ANK3: variants seen among roughly 807,000 people sequenced by gnomAD.
ANK3 encodes ankyrin-3.
In ANK3, 57 loss-of-function variants were observed where a neutral mutation model predicts 370.9. The observed-to-expected ratio is 0.15, with a 90% CI of 0.12 to 0.19. The LOEUF (loss-of-function observed/expected upper bound fraction) is 0.19. Among genes scored for constraint, ANK3 ranks in the 10% least tolerant of loss-of-function variants. The pLI, the probability that ANK3 is intolerant of heterozygous loss-of-function variation, is 1.00. For synonymous variants in ANK3, 1,929 were observed against 1,946.3 expected, an observed-to-expected ratio of 0.99 and a Z score of 0.23; for missense variants, 4,439 against 5,302.1, an observed-to-expected ratio of 0.84 and a Z score of 5.06.
At chr10:60,152,998 T>A (rs1290302680) in intron 23 of ANK3, among the ~76,000 whole-genome samples, 1 of 152,208 alleles carries the variant, frequency 6.6e-6, no homozygotes, top group Admixed American at 6.5e-5. Flanking sequence ...TACAGAAATG[T>A]ATGCATATGT....
At chr10:60,570,480 C>A (rs1428816630) in intron 2 of ANK3, among the ~76,000 whole-genome samples, 1 of 151,980 alleles carries the variant, frequency 6.6e-6, no homozygotes, top group Non-Finnish European at 1.5e-5. Context: ...TCTCAATGGA[C>A]AAAGAACAAG....
At chr10:60,411,783 G>A in intron 2 of ANK3, among the ~76,000 whole-genome samples, 1 of 152,124 alleles carries the variant, frequency 6.6e-6, no homozygotes, top group South Asian at 2.1e-4. Context: ...TTTCTAAAGT[G>A]TAGAAATGAG....
At chr10:60,604,805 G>A (rs975316603) in intron 2 of ANK3, among the ~76,000 whole-genome samples, 2 of 152,056 alleles carry the variant, frequency 1.3e-5, no homozygotes, top group African/African-American at 4.8e-5. Context: ...TCCCATATAG[G>A]AAAGAAAGGC....
chr10:60,721,822 A>T (rs964197025), intron 1 of ANK3, among the ~76,000 whole-genome samples: 9 of 152,240 alleles, frequency 5.9e-5, no homozygotes, highest in African/African-American at 1.4e-4. Context: ...GAGGTTCTGC[A>T]AAATAGCATG....
chr10:60,599,542 T>C (rs1184056219), intron 2 of ANK3, among the ~76,000 whole-genome samples: 2 of 152,204 alleles, frequency 1.3e-5, no homozygotes, highest in East Asian at 3.9e-4. Context: ...TTCCATTTCA[T>C]CTACTAATTC....
intron 1 of ANK3, among the ~76,000 whole-genome samples, chr10:60,339,272 A>C (rs1426577773): frequency 6.6e-6 from 1 of 152,186 alleles, no homozygotes; most frequent in Non-Finnish European, 1.5e-5. Context: ...TGTGGAATAA[A>C]ATTAAAATGT....
chr10:60,565,190 A>G (rs1403469062), intron 2 of ANK3, among the ~76,000 whole-genome samples: 1 of 152,180 alleles, frequency 6.6e-6, no homozygotes, highest in Admixed American at 6.5e-5. Flanking sequence ...GACCAGTTTC[A>G]TAGAACACAA....
intron 9 of ANK3, among the ~76,000 whole-genome samples, chr10:60,208,916 T>C (rs1298061326): frequency 6.6e-6 from 1 of 152,250 alleles, no homozygotes; most frequent in African/African-American, 2.4e-5. Flanking sequence ...ACAAAGCCAC[T>C]AACTAATGCT....
chr10:60,690,025 G>A, intron 1 of ANK3, among the ~76,000 whole-genome samples: 1 of 152,150 alleles, frequency 6.6e-6, no homozygotes, highest in East Asian at 1.9e-4. Context: ...TCCTGGGCAT[G>A]TAAAGAGAAA....
chr10:60,601,667 A>C (rs2078066567), intron 2 of ANK3, among the ~76,000 whole-genome samples: 1 of 152,250 alleles, frequency 6.6e-6, no homozygotes, highest in East Asian at 1.9e-4. Flanking sequence ...AAAAAAGGAC[A>C]TTAGGGAGAA....
chr10:60,471,420 G>C (rs1054510596), intron 2 of ANK3, among the ~76,000 whole-genome samples: 1 of 152,072 alleles, frequency 6.6e-6, no homozygotes, highest in Non-Finnish European at 1.5e-5. Context: ...ACAGTATACT[G>C]GTCTATGCTG....
intron 2 of ANK3, among the ~76,000 whole-genome samples, chr10:60,489,494 C>T (rs1488389585): frequency 6.6e-6 from 1 of 152,020 alleles, no homozygotes; most frequent in East Asian, 1.9e-4. Flanking sequence ...TAAATTAAAA[C>T]CATCTGTGAT....
At position 60,068,841 on chromosome 10, in the gene ANK3, G is replaced by A; in HGVS notation, c.12040C>T (p.Leu4014Phe). ...SGETLKLVDR[L>F]SEEEKKMQSE... is the part of the protein sequence containing the mutation. ...TGCATCTTTTTTTCTTCTTCAGAGA[G>A]GCGGTCCACAAGCTTTAAGGTCTCA... Residue 4014 changes from leucine to phenylalanine, a missense_variant, in exon 37 of 44, where the codon CTC (leucine) becomes TTC (phenylalanine). Coordinates refer to ENST00000280772, the MANE Select transcript of ANK3 (RefSeq NM_020987.5). 1 of 1,614,128 alleles carries A rather than the reference G, an allele frequency of 6.2e-7. No individual in the cohort carries two copies. Among genetic ancestry groups the A allele is most frequent in the Non-Finnish European group, 8.5e-7 (1 of 1,180,028 alleles).
At chr10:60,645,793 A>T (rs1315178481) in intron 1 of ANK3, among the ~76,000 whole-genome samples, 1 of 152,152 alleles carries the variant, frequency 6.6e-6, no homozygotes. Context: ...TTTATTAAAC[A>T]CAGTTGATCT....
chr10:60,464,369 A>G (rs1486228104), intron 2 of ANK3, among the ~76,000 whole-genome samples: 1 of 151,988 alleles, frequency 6.6e-6, no homozygotes, highest in African/African-American at 2.4e-5. Flanking sequence ...CCTAAAAAAT[A>G]TTTTTTCTGA....
chr10:60,269,685 A>T (rs1319691664), intron 5 of ANK3, among the ~76,000 whole-genome samples: 1 of 134,938 alleles, frequency 7.4e-6, no homozygotes, highest in Non-Finnish European at 1.5e-5. Context: ...TTTTATTTAT[A>T]ACTATGAATT....
At position 60,549,316 on chromosome 10, in the gene ANK3, T is replaced by C. The variant is rs577831382; in HGVS notation, c.96+65870A>G. Among the ~76,000 whole-genome samples the C allele has an allele frequency of 4.0e-4, 61 of 152,310 alleles. 1 individual carries two copies. The highest frequency in any genetic ancestry group is 1.0e-3 in the Admixed American group (16 of 15,284). On this transcript the variant is annotated intron_variant, in intron 2 of 43. Coordinates refer to the ANK3 transcript ENST00000373827. ...AGAATATTAATAATTAATATTTGGCTTACTGCTTATGATTCAAACTTTACA... is the reference window on the plus strand; with the variant it reads ...AGAATATTAATAATTAATATTTGGCCTACTGCTTATGATTCAAACTTTACA...
At chr10:60,555,915 T>C (rs981429942) in intron 2 of ANK3, among the ~76,000 whole-genome samples, 30 of 152,138 alleles carry the variant, frequency 2.0e-4, no homozygotes, top group African/African-American at 5.6e-4. Context: ...CAGTAAATAA[T>C]TGTTTGATGT....
At chr10:60,415,915 T>TCCC (rs2063652402) in intron 2 of ANK3, among the ~76,000 whole-genome samples, 1 of 94,730 alleles carries the variant, frequency 1.1e-5, no homozygotes, top group Non-Finnish European at 2.2e-5. Flanking sequence ...TCTGAATTTG[T>TCCC]GCCCCCCACC....
Sources: gnomAD v4.1 joint callset for allele counts (sites outside exome capture counted in the v4.1 genomes callset) on GRCh38, gnomAD v4.1.1 for gene constraint, MANE v1.5 for transcripts, NCBI Gene and HGNC (gene_info 2026-07-23, HGNC 2026-07-21) for gene names.